CLCA4: variants seen among roughly 807,000 people sequenced by gnomAD.
CLCA4 encodes chloride channel accessory 4, also known as calcium-activated chloride channel regulator 4.
A neutral mutation model predicts 78.9 loss-of-function variants in CLCA4; 69 were observed. The ratio of observed to expected loss-of-function variants is 0.87; its 90% CI spans 0.72 to 1.07. CLCA4 has a LOEUF of 1.07. CLCA4 is among the 50% of genes least tolerant of loss of function. CLCA4 has a pLI of 0.00. For missense variants in CLCA4, 1,133 were observed against 1,095.8 expected (o/e 1.03, Z -0.48); for synonymous variants, 362 against 375.8 (o/e 0.96, Z 0.42).
rs146408264 is a variant in CLCA4, at chr1:86,576,804, T to G, written c.1952-1098T>G. The stretch of plus-strand genomic sequence containing the variant: ...AGATACCAGGTCTGGCTGGTAGGAA[T>G]CAAGATGCAACGTTGGCCATTATCT... On this transcript the variant is annotated intron_variant, in intron 11 of 13. Transcript: ENST00000370563. 1.9e-4 allele frequency among the ~76,000 whole-genome samples: 29 copies of G among 152,090 alleles called. No homozygotes were observed. The East Asian group carries it at 3.3e-3, about 17-fold the overall frequency.
chr1:86,580,455 C>A lies in CLCA4; in HGVS notation c.*110C>A. The A allele has an allele frequency of 1.4e-6, 1 of 722,220 alleles. No homozygotes were observed. Among genetic ancestry groups the A allele is most frequent in the Non-Finnish European group, 2.0e-6 (1 of 501,380 alleles). 44.7% of individuals were successfully genotyped at this position (722,220 alleles called of 1,614,324 possible). On this transcript the variant is annotated 3_prime_UTR_variant, in exon 14 of 14. Transcript: ENST00000370563. ...TCTTAAAATTCATCCCATGTGTGATCATAAACTCATAAAAATAATTTTAAG... is the reference window on the plus strand; with the variant it reads ...TCTTAAAATTCATCCCATGTGTGATAATAAACTCATAAAAATAATTTTAAG...
chr1:86,559,909 C>T (rs1320670957), intron 1 of CLCA4, 23 bp from the exon 2 acceptor site: 1 of 1,569,606 alleles, frequency 6.4e-7, no homozygotes, highest in Non-Finnish European at 8.6e-7. Flanking sequence ...ACCATCCTCA[C>T]ATATTTTTTC....
intron 3 of CLCA4, 45 bp from the exon 4 acceptor site, chr1:86,563,616 G>T (rs780276561): frequency 6.5e-6 from 6 of 916,914 alleles, no homozygotes; most frequent in South Asian, 1.8e-5. Flanking sequence ...GATACAAAAC[G>T]TGTCACTTGG....
chr1:86,555,073 A>T (rs1402265424), intron 1 of CLCA4, among the ~76,000 whole-genome samples: 1 of 151,862 alleles, frequency 6.6e-6, no homozygotes, highest in Non-Finnish European at 1.5e-5. Flanking sequence ...TCTCTTGTAA[A>T]TTTGTTTACA....
At chr1:86,579,328 T>G (rs757589123) in intron 12 of CLCA4, 26 bp from the exon 13 acceptor site, 1 of 1,564,964 alleles carries the variant, frequency 6.4e-7, no homozygotes, top group East Asian at 2.2e-5. Context: ...TTTTGCCCAT[T>G]ATAAACCAGG....
At chr1:86,552,980 C>G in intron 1 of CLCA4, 1 of 628,108 alleles carries the variant, frequency 1.6e-6, no homozygotes, top group Non-Finnish European at 2.9e-6. Context: ...GAAACTGAGC[C>G]CTGTGCGTGG....
intron 7 of CLCA4, among the ~76,000 whole-genome samples, chr1:86,568,733 C>T (rs774659592): frequency 3.3e-5 from 5 of 151,910 alleles, no homozygotes; most frequent in African/African-American, 4.8e-5. Flanking sequence ...ATGCAAGTTC[C>T]TCTACTTAAA....
At position 86,567,535 on chromosome 1, in the gene CLCA4, G is replaced by A. The variant is rs1650238148; in HGVS notation, c.1066G>A (p.Val356Ile). Residue 356 changes from valine (V) to isoleucine (I), a missense_variant, in exon 7 of 14, where the codon GTA becomes ATA. Coordinates refer to ENST00000370563, the MANE Select transcript of CLCA4 (RefSeq NM_012128.4). Reference sequence around the variant, plus strand: ...TCACTTTGATAGTACTGCCACTATTGTAAATAAGCTAATCCAAATAAAAAG... The same window carrying A: ...TCACTTTGATAGTACTGCCACTATTATAAATAAGCTAATCCAAATAAAAAG... ...MVHFDSTATI[V>I]NKLIQIKSSD... The A allele has an allele frequency of 6.2e-7, 1 of 1,613,066 alleles. No individual in the cohort carries two copies. The highest frequency in any genetic ancestry group is 8.5e-7 in the Non-Finnish European group (1 of 1,179,258).
rs201409718 is a variant in CLCA4, at chr1:86,578,043, C to T, written c.2093C>T (p.Ala698Val). 5.6e-6 allele frequency: 9 copies of T among 1,612,326 alleles called. No individual in the cohort carries two copies. The highest frequency in any genetic ancestry group is 1.7e-5 in the Admixed American group (1 of 59,820). The change falls in exon 12 of 14, where the codon GCC (alanine) becomes GTC (valine). Residue 698 changes from alanine to valine, a missense_variant. Ala to Val is a moderately conservative substitution (Grantham distance 64, BLOSUM62 0). Coordinates refer to ENST00000370563, the MANE Select transcript of CLCA4 (RefSeq NM_012128.4). Reference protein sequence around the residue: ...RLKLRPPLNRAAYIPGWVVNG... With the variant: ...RLKLRPPLNRVAYIPGWVVNG... The stretch of plus-strand genomic sequence containing the variant: ...AAATTACGGCCTCCACTGAATAGAG[C>T]CGCGTACATACCAGGCTGGGTAGTG...
rs1401155355 is a variant in CLCA4, at chr1:86,579,581, G to C, written c.2350G>C (p.Gly784Arg). 3 of 1,600,842 alleles carry C rather than the reference G, an allele frequency of 1.9e-6. No homozygotes were observed. The African/African-American group carries it at 4.0e-5, about 21-fold the overall frequency. ...WTAPGDNFDV[G>R]KVQRYIIRIS... ...AGCACCAGGAGATAATTTTGATGTT[G>C]GAAAAGGTAAGGATGAAGTGTCATG... The change falls in exon 13 of 14, where the codon GGA becomes CGA. Residue 784 changes from glycine (G) to arginine (R), a missense_variant. Coordinates refer to ENST00000370563, the MANE Select transcript of CLCA4 (RefSeq NM_012128.4).
At chr1:86,576,161 G>GT (rs888793915) in intron 11 of CLCA4, among the ~76,000 whole-genome samples, 88 of 151,562 alleles carry the variant, frequency 5.8e-4, no homozygotes, top group African/African-American at 7.3e-4. Context: ...TTTTTTGTTT[G>GT]TTTTTTTTGT....
intron 4 of CLCA4, 83 bp from the exon 5 acceptor site, chr1:86,565,191 T>C: frequency 1.1e-6 from 1 of 906,384 alleles, no homozygotes; most frequent in Non-Finnish European, 1.7e-6. Flanking sequence ...TGATATAAAG[T>C]TCATCATGAA....
At chr1:86,557,761 A>G (rs773620840) in intron 1 of CLCA4, among the ~76,000 whole-genome samples, 2 of 152,024 alleles carry the variant, frequency 1.3e-5, no homozygotes, top group Non-Finnish European at 2.9e-5. Context: ...CAGGTCCTGA[A>G]TATCTTTGTT....
intron 9 of CLCA4, chr1:86,572,971 T>C (rs1650398871): frequency 2.3e-6 from 1 of 442,326 alleles, no homozygotes; most frequent in African/African-American, 2.0e-5. Context: ...AGAAATGACA[T>C]TACAATGTTA....
At chr1:86,552,586 T>A (rs1570318414) in intron 1 of CLCA4, 1 of 604,350 alleles carries the variant, frequency 1.7e-6, no homozygotes, top group East Asian at 2.9e-5. Context: ...TGTCCACGCG[T>A]CAGACACAGC....
chr1:86,547,296 T>A lies in CLCA4; in HGVS notation c.159+18T>A. 1 of 1,534,710 alleles carries A rather than the reference T, an allele frequency of 6.5e-7. No individual in the cohort carries two copies. Among genetic ancestry groups the A allele is most frequent in the Non-Finnish European group, 8.8e-7 (1 of 1,142,076 alleles). ...AAATAGAGGTAAGAACAAAATGGAA[T>A]ATCTTTCATTAATTTTTAGTTTTTT... On this transcript the variant is annotated intron_variant, in intron 1 of 13. Coordinates refer to ENST00000370563, the MANE Select transcript of CLCA4 (RefSeq NM_012128.4).
At chr1:86,549,827 A>T (rs924471606) in intron 1 of CLCA4, among the ~76,000 whole-genome samples, 1 of 152,210 alleles carries the variant, frequency 6.6e-6, no homozygotes, top group Admixed American at 6.5e-5. Flanking sequence ...AATTTATGTT[A>T]CTTCTGAAAA....
chr1:86,551,281 C>T (rs984740344), intron 1 of CLCA4, among the ~76,000 whole-genome samples: 4 of 152,036 alleles, frequency 2.6e-5, no homozygotes, highest in South Asian at 2.1e-4. Flanking sequence ...TTTAAAAATC[C>T]TTATGCCTTG....
chr1:86,557,793 T>C (rs1649896395), intron 1 of CLCA4, among the ~76,000 whole-genome samples: 1 of 151,274 alleles, frequency 6.6e-6, no homozygotes, highest in African/African-American at 2.4e-5. Context: ...TCAATGAAGT[T>C]TCCCACTATT....
Sources: gnomAD v4.1 joint callset for allele counts (sites outside exome capture counted in the v4.1 genomes callset) on GRCh38, gnomAD v4.1.1 for gene constraint, MANE v1.5 for transcripts, NCBI Gene and HGNC (gene_info 2026-07-23, HGNC 2026-07-21) for gene names.